The following PIK3CB variants were observed in gnomAD, a reference collection of about 807,000 sequenced individuals.
PIK3CB encodes phosphatidylinositol-4,5-bisphosphate 3-kinase catalytic subunit beta.
A neutral mutation model predicts 136.8 loss-of-function variants in PIK3CB; 39 were observed. The ratio of observed to expected loss-of-function variants is 0.29; its 90% CI spans 0.22 to 0.37. The LOEUF is 0.37. PIK3CB is among the 10% of genes least tolerant of loss of function. The pLI is 1.00. For missense variants in PIK3CB, 868 were observed against 1,275.4 expected (o/e 0.68, Z 4.87); for synonymous variants, 428 against 436.6 (o/e 0.98, Z 0.25).
At chr3:138,779,921 C>T (rs2045904736) in intron 2 of PIK3CB, among the ~76,000 whole-genome samples, 1 of 151,986 alleles carries the variant, frequency 6.6e-6, no homozygotes, top group South Asian at 2.1e-4. Context: ...TAGAATTATG[C>T]AGGTCCAAGT....
rs192035500 is a variant in PIK3CB at position 138,810,072 on chromosome 3, G to A, written c.-121-13505C>T. On this transcript the variant is annotated intron_variant, in intron 1 of 23. Transcript: ENST00000674063. ...GACAGGAAATCGTGAAAGGGACCAG[G>A]GCAAACTGAAAGAGCTCCCAATGGC... Among the ~76,000 whole-genome samples, 488 of 152,158 alleles carry A rather than the reference G, an allele frequency of 3.2e-3. 6 individuals carry two copies. Among genetic ancestry groups the A allele is most frequent in the African/African-American group, 1.0e-2 (414 of 41,518 alleles).
Position 138,759,259 on chromosome 3 carries a change from A to C in PIK3CB, c.85T>G (p.Ser29Ala). ...AVDSQIASDG[S>A]IPVDFLLPTG... Reference sequence around the variant, plus strand: ...GGCAAAAGGAAATCCACAGGTATGGAGCCATCAGATGCTATCTGTGAATCC... The same window carrying C: ...GGCAAAAGGAAATCCACAGGTATGGCGCCATCAGATGCTATCTGTGAATCC... Residue 29 changes from serine to alanine, a missense_variant, in exon 3 of 24, where the codon TCC becomes GCC. By Grantham distance (99) the Ser-to-Ala change is moderately conservative. Around this residue, in one of 4 missense-constraint regions of PIK3CB, gnomAD observed 612 missense variants for 801.1 expected, o/e 0.76. Transcript: ENST00000674063. The C allele has an allele frequency of 1.2e-6, 2 of 1,613,274 alleles. No individual in the cohort carries two copies. Among genetic ancestry groups the C allele is most frequent in the Non-Finnish European group, 1.7e-6 (2 of 1,179,292 alleles).
intron 8 of PIK3CB, among the ~76,000 whole-genome samples, chr3:138,727,395 A>G (rs527381970): frequency 6.6e-6 from 1 of 152,392 alleles, no homozygotes; most frequent in African/African-American, 2.4e-5. Context: ...CAAAAGAGTC[A>G]AAGAATGAGA....
chr3:138,764,111 C>CAA (rs143635044), intron 2 of PIK3CB, among the ~76,000 whole-genome samples: 35 of 79,008 alleles, frequency 4.4e-4, no homozygotes, highest in African/African-American at 4.6e-4. Context: ...ACTCCATCTC[C>CAA]AAAAAAAAAA....
intron 18 of PIK3CB, among the ~76,000 whole-genome samples, chr3:138,683,107 C>T (rs969977053): frequency 1.3e-5 from 2 of 152,150 alleles, no homozygotes; most frequent in Non-Finnish European, 2.9e-5. Context: ...AATCCCAGCA[C>T]TTTGAAAGGC....
intron 1 of PIK3CB, among the ~76,000 whole-genome samples, chr3:138,802,238 G>C (rs1449817942): frequency 6.6e-6 from 1 of 151,230 alleles, no homozygotes; most frequent in South Asian, 2.1e-4. Flanking sequence ...AAAAAATCCA[G>C]GCATGGTGGT....
intron 4 of PIK3CB, among the ~76,000 whole-genome samples, chr3:138,750,944 A>G (rs1011134175): frequency 8.5e-5 from 13 of 152,222 alleles, no homozygotes; most frequent in African/African-American, 2.4e-4. Flanking sequence ...TAAAATTTCA[A>G]GTATAAACAC....
In PIK3CB at chr3:138,655,301, T is replaced by C. The variant is rs1466085644; in HGVS notation, c.*88A>G. 2.3e-6 allele frequency: 3 copies of C among 1,312,966 alleles called. No individual in the cohort carries two copies. The highest frequency in any genetic ancestry group is 2.5e-5 in the South Asian group (2 of 78,982). 81.3% of individuals were successfully genotyped at this position (1,312,966 alleles called of 1,614,324 possible). ...CCAGGATTTCATTCCCTTTATAACATCTCTAACAGGGTCATGTTCAATTTA... is the reference window on the plus strand; with the variant it reads ...CCAGGATTTCATTCCCTTTATAACACCTCTAACAGGGTCATGTTCAATTTA... On this transcript the variant is annotated 3_prime_UTR_variant, in exon 24 of 24. Coordinates refer to ENST00000674063, the MANE Select transcript of PIK3CB (RefSeq NM_006219.3).
intron 11 of PIK3CB, among the ~76,000 whole-genome samples, chr3:138,705,199 A>AAAAAAAAAAAAAAAAG (rs1559828867): frequency 7.0e-6 from 1 of 143,260 alleles, no homozygotes; most frequent in African/African-American, 2.6e-5. Flanking sequence ...ACAAAAAAAA[A>AAAAAAAAAAAAAAAAG]AACTTATATT....
At chr3:138,827,753 G>A (rs1933847222) in intron 1 of PIK3CB, among the ~76,000 whole-genome samples, 1 of 151,574 alleles carries the variant, frequency 6.6e-6, no homozygotes, top group Non-Finnish European at 1.5e-5. Context: ...GCCGAGGCGG[G>A]CGGATCACAA....
chr3:138,785,208 C>G lies in PIK3CB; in HGVS notation c.-17+11255G>C, dbSNP rs866593840. Among the ~76,000 whole-genome samples the G allele has an allele frequency of 8.0e-3, 1,215 of 151,420 alleles. 19 individuals carry two copies. Among genetic ancestry groups the G allele is most frequent in the African/African-American group, 0.028 (1,144 of 41,312 alleles). ...AGGGAGGTGGGGGGCAGCCCCCGCC[C>G]GGCCAGCCGCCCTGTCCCGGAGGGA... On this transcript the variant is annotated intron_variant, in intron 2 of 23. Coordinates refer to ENST00000674063, the MANE Select transcript of PIK3CB (RefSeq NM_006219.3).
intron 2 of PIK3CB, among the ~76,000 whole-genome samples, chr3:138,788,964 CAAAAAAA>C (rs57432821): frequency 8.9e-5 from 8 of 89,494 alleles, no homozygotes; most frequent in Admixed American, 1.2e-4. Flanking sequence ...GACTTCGTCT[CAAAAAAA>C]AAAAAAAAAA....
At chr3:138,801,425 T>C (rs1576421258) in intron 1 of PIK3CB, among the ~76,000 whole-genome samples, 1 of 152,278 alleles carries the variant, frequency 6.6e-6, no homozygotes, top group Middle Eastern at 3.4e-3. Flanking sequence ...AGAATAGGTA[T>C]GTTTATAGTT....
At chr3:138,680,187 A>C (rs2043740140) in intron 19 of PIK3CB, among the ~76,000 whole-genome samples, 2 of 151,864 alleles carry the variant, frequency 1.3e-5, no homozygotes, top group South Asian at 4.2e-4. Flanking sequence ...GCGAAATCCC[A>C]TCTCTACTAA....
intron 19 of PIK3CB, 125 bp downstream of exon 19, chr3:138,681,842 A>G: frequency 1.7e-6 from 1 of 595,838 alleles, no homozygotes; most frequent in East Asian, 2.9e-5. Flanking sequence ...CTAAAGTGCT[A>G]TATAAATATT....
chr3:138,768,029 G>A (rs541582879), intron 2 of PIK3CB, among the ~76,000 whole-genome samples: 1 of 152,222 alleles, frequency 6.6e-6, no homozygotes, highest in Non-Finnish European at 1.5e-5. Flanking sequence ...AGCGGAGGGT[G>A]AGCAAGACAA....
chr3:138,746,330 C>T (rs1482363410), intron 4 of PIK3CB, among the ~76,000 whole-genome samples: 3 of 152,054 alleles, frequency 2.0e-5, no homozygotes, highest in African/African-American at 7.2e-5. Context: ...ATAACTTCTC[C>T]TGTTACCTTG....
chr3:138,760,610 T>G (rs191548351), intron 2 of PIK3CB, among the ~76,000 whole-genome samples: 1 of 152,120 alleles, frequency 6.6e-6, no homozygotes, highest in Non-Finnish European at 1.5e-5. Context: ...AAGTGTCATA[T>G]CAAAAGAGAC....
In PIK3CB at chr3:138,755,781, A is replaced by G. The variant is rs900228786; in HGVS notation, c.370T>C (p.Ser124Pro). The G allele has an allele frequency of 4.4e-6, 7 of 1,604,174 alleles. No homozygotes were observed. The highest frequency in any genetic ancestry group is 6.0e-6 in the Non-Finnish European group (7 of 1,171,822). The change falls in exon 4 of 24, where the codon TCA becomes CCA. Residue 124 changes from serine to proline, a missense_variant. Coordinates refer to ENST00000674063, the MANE Select transcript of PIK3CB (RefSeq NM_006219.3). ...TTTCCTATAAGGACTCCAATTTTTG[A>G]GTCTAATTTTTCCCCTGGGTCACAA... is the stretch of plus-strand genomic sequence containing the variant. ...RSCDPGEKLD[S>P]KIGVLIGKGL... is the part of the protein sequence containing the mutation.
Sources: allele counts gnomAD v4.1 joint callset (sites outside exome capture counted in the v4.1 genomes callset), GRCh38; gene constraint gnomAD v4.1.1; regional missense constraint gnomAD v4.1.1; transcripts MANE v1.5; gene names NCBI Gene and HGNC (gene_info 2026-07-23, HGNC 2026-07-21).